The following ZC3HC1 variants were observed in gnomAD, a reference collection of about 807,000 sequenced individuals.
The protein encoded by ZC3HC1 is zinc finger C3HC-type protein 1.
Under a neutral mutation model 61.9 loss-of-function variants are expected in ZC3HC1, and 38 were observed. The ratio of observed to expected loss-of-function variants is 0.61; its 90% CI spans 0.47 to 0.81. The LOEUF (loss-of-function observed/expected upper bound fraction) is 0.81. ZC3HC1 is among the 30% of genes least tolerant of loss of function. The probability of loss-of-function intolerance (pLI) is 0.00; values close to 1 mark genes in which losing one functional copy is unlikely to be tolerated. For missense variants in ZC3HC1, 554 were observed against 622.7 expected (o/e 0.89, Z 1.17); for synonymous variants, 213 against 229.9 (o/e 0.93, Z 0.67).
chr7:130,043,805 G>A (rs780846584), intron 2 of ZC3HC1: 6 of 453,968 alleles, frequency 1.3e-5, no homozygotes, highest in East Asian at 7.0e-5. Flanking sequence ...ATGGGGTGAC[G>A]AGAGATTCAT....
At chr7:130,034,281 T>A (rs1397742707) in intron 4 of ZC3HC1, among the ~76,000 whole-genome samples, 1 of 150,884 alleles carries the variant, frequency 6.6e-6, no homozygotes. Flanking sequence ...GTCAGGAGAT[T>A]GAGACTATCC....
chr7:130,048,120 TG>T (rs770216908), intron 2 of ZC3HC1, among the ~76,000 whole-genome samples: 12 of 151,026 alleles, frequency 7.9e-5, no homozygotes, highest in Admixed American at 2.7e-4. Flanking sequence ...TGACTGAGTT[TG>T]GAAGTGGACC....
Position 130,026,149 on chromosome 7 carries a change from C to T in ZC3HC1, c.776+9G>A. The T allele has an allele frequency of 1.2e-6, 2 of 1,609,908 alleles. No homozygotes were observed. The highest frequency in any genetic ancestry group is 2.2e-5 in the South Asian group (2 of 90,828). On this transcript the variant is annotated intron_variant, in intron 6 of 9. Transcript: ENST00000358303. ...GGTTCATGTCTCCAGGCAAAATCTG[C>T]TGACTCACCTACACGCCCAGCCACA...
chr7:130,049,159 C>CT lies in ZC3HC1; in HGVS notation c.147-16_147-15insA. ...ACGTGTCCTTCCTAATATAAAGTGG[C>CT]AAAACTGTTGGTAAACCTTTCACAG... is the stretch of plus-strand genomic sequence containing the variant. On this transcript the variant is annotated splice_polypyrimidine_tract_variant and intron_variant, in intron 1 of 9. Transcript: ENST00000358303. The CT allele has an allele frequency of 6.3e-7, 1 of 1,576,804 alleles. No individual in the cohort carries two copies. The highest frequency in any genetic ancestry group is 8.6e-7 in the Non-Finnish European group (1 of 1,161,820).
At chr7:130,041,524 C>T (rs1470566777) in intron 2 of ZC3HC1, among the ~76,000 whole-genome samples, 10 of 128,838 alleles carry the variant, frequency 7.8e-5, no homozygotes, top group South Asian at 5.0e-4. Context: ...TTAACTCATT[C>T]TTTTTTTTTT....
chr7:130,039,190 C>T (rs1794546262), intron 4 of ZC3HC1: 2 of 371,548 alleles, frequency 5.4e-6, no homozygotes, highest in African/African-American at 2.1e-5. Context: ...ACTAAAAATA[C>T]AAAATTAGCT....
chr7:130,018,946 C>T (rs1793495224), intron 9 of ZC3HC1, among the ~76,000 whole-genome samples: 1 of 152,124 alleles, frequency 6.6e-6, no homozygotes, highest in Admixed American at 6.6e-5. Flanking sequence ...GCCTCTAAGA[C>T]ACGGCTCATA....
chr7:130,040,632 C>A (rs1387356430), intron 3 of ZC3HC1, among the ~76,000 whole-genome samples: 1 of 150,354 alleles, frequency 6.7e-6, no homozygotes, highest in Non-Finnish European at 1.5e-5. Flanking sequence ...CTGGTAAAAC[C>A]CCACCTCTAC....
intron 9 of ZC3HC1, among the ~76,000 whole-genome samples, 189 bp from the exon 10 acceptor site, chr7:130,018,921 G>GTT: frequency 6.6e-6 from 1 of 152,200 alleles, no homozygotes; most frequent in East Asian, 1.9e-4. Context: ...TCAGACTCCT[G>GTT]TTAACACACT....
Position 130,051,275 on chromosome 7 carries a change from T to C in ZC3HC1, c.92A>G (p.Lys31Arg), listed in dbSNP as rs750641455. 2 of 1,612,294 alleles carry C rather than the reference T, an allele frequency of 1.2e-6. No homozygotes were observed. The highest frequency in any genetic ancestry group is 1.7e-6 in the Non-Finnish European group (2 of 1,179,154). Residue 31 changes from lysine (K) to arginine (R), a missense_variant, in exon 1 of 10, where the codon AAA (lysine) becomes AGA (arginine). Physicochemically the swap from Lys to Arg is conservative, Grantham distance 26. Coordinates refer to ENST00000358303, the MANE Select transcript of ZC3HC1 (RefSeq NM_016478.5). Reference sequence around the variant, plus strand: ...CCCCTCATCTATCAGCTGCCGGATTTTCTGGGGGGTCCCTTCTGGGGAGCG... The same window carrying C: ...CCCCTCATCTATCAGCTGCCGGATTCTCTGGGGGGTCCCTTCTGGGGAGCG... Reference protein sequence around the residue: ...VVRSPEGTPQKIRQLIDEGIA... With the variant: ...VVRSPEGTPQRIRQLIDEGIA...
intron 4 of ZC3HC1, among the ~76,000 whole-genome samples, chr7:130,032,098 C>T (rs1563079063): frequency 1.3e-5 from 2 of 151,948 alleles, no homozygotes; most frequent in African/African-American, 4.8e-5. Context: ...GTGGTGGGTG[C>T]CTGTAATCCT....
At chr7:130,026,439 T>TGTGAAGAGAAGTATC in intron 5 of ZC3HC1, 127 bp from the exon 6 acceptor site, 1 of 976,818 alleles carries the variant, frequency 1.0e-6, no homozygotes, top group African/African-American at 1.6e-5. Flanking sequence ...GATACTTCTC[T>TGTGAAGAGAAGTATC]TCACAGAGAA....
At chr7:130,042,123 C>T (rs969701367) in intron 2 of ZC3HC1, among the ~76,000 whole-genome samples, 11 of 151,588 alleles carry the variant, frequency 7.3e-5, no homozygotes, top group African/African-American at 1.2e-4. Flanking sequence ...GGCAACACGG[C>T]GACACCTCAT....
chr7:130,024,770 G>A lies in ZC3HC1; in HGVS notation c.777-264C>T, dbSNP rs1456336248. On this transcript the variant is annotated intron_variant, in intron 6 of 9. Coordinates refer to ENST00000358303, the MANE Select transcript of ZC3HC1 (RefSeq NM_016478.5). ...TGTTTTAAAAGTTTCTCGGCCGGGT[G>A]CAGTGGCTCATGCCTGTAATCCCAG... is the stretch of plus-strand genomic sequence containing the variant. 2.6e-5 allele frequency among the ~76,000 whole-genome samples: 4 copies of A among 151,884 alleles called. No individual in the cohort carries two copies. The South Asian group carries it at 8.3e-4, about 32-fold the overall frequency.
chr7:130,040,901 T>G (rs1403380452), intron 3 of ZC3HC1, 50 bp downstream of exon 3: 2 of 1,505,264 alleles, frequency 1.3e-6, no homozygotes, highest in Admixed American at 2.3e-5. Flanking sequence ...AAAACCAGGA[T>G]AGTATATATT....
chr7:130,039,378 C>A, intron 4 of ZC3HC1, 86 bp downstream of exon 4: 2 of 1,109,984 alleles, frequency 1.8e-6, no homozygotes, highest in South Asian at 1.5e-5. Flanking sequence ...AAAGAAAGTT[C>A]AAAGACTAGG....
At chr7:130,035,401 A>C (rs1200343951) in intron 4 of ZC3HC1, among the ~76,000 whole-genome samples, 3 of 151,784 alleles carry the variant, frequency 2.0e-5, no homozygotes, top group East Asian at 1.9e-4. Context: ...AAAAAAAAAA[A>C]AAAAAAACAG....
intron 9 of ZC3HC1, 64 bp downstream of exon 9, chr7:130,022,255 G>T: frequency 3.7e-6 from 6 of 1,600,492 alleles, no homozygotes; most frequent in Non-Finnish European, 4.3e-6. Context: ...TATAGGCCCA[G>T]CCTCTGCTCC....
chr7:130,028,163 CAAAAAAAAAAAAAAAAAAA>C (rs58430072), intron 5 of ZC3HC1, among the ~76,000 whole-genome samples: 21 of 34,090 alleles, frequency 6.2e-4, no homozygotes, highest in South Asian at 2.0e-3. Context: ...GACTCTGTCT[CAAAAAAAAAAAAAAAAAAA>C]AAAAAAAAAA....
Sources: allele counts gnomAD v4.1 joint callset (sites outside exome capture counted in the v4.1 genomes callset), GRCh38; gene constraint gnomAD v4.1.1; transcripts MANE v1.5; gene names NCBI Gene and HGNC (gene_info 2026-07-23, HGNC 2026-07-21).